ARNT2: variants seen among roughly 807,000 people sequenced by gnomAD.
The protein encoded by ARNT2 is aryl hydrocarbon receptor nuclear translocator 2.
In ARNT2, 36 loss-of-function variants were observed where a neutral mutation model predicts 91.7. That is an observed-to-expected ratio of 0.39 (90% CI 0.30 to 0.52). The LOEUF (loss-of-function observed/expected upper bound fraction) is 0.52. Ranked by LOEUF, ARNT2 falls within the 20% of genes least tolerant of loss-of-function variation. The pLI is 0.72. For missense variants in ARNT2, 775 were observed against 939.3 expected (o/e 0.83, Z 2.29); for synonymous variants, 365 against 347.1 (o/e 1.05, Z -0.57).
chr15:80,487,487 C>T (rs1896995522), intron 5 of ARNT2, among the ~76,000 whole-genome samples: 1 of 152,216 alleles, frequency 6.6e-6, no homozygotes, highest in African/African-American at 2.4e-5. Context: ...AAGCCATGCA[C>T]ATCCAGGAGT....
intron 17 of ARNT2, among the ~76,000 whole-genome samples, chr15:80,590,981 C>A (rs1409980235): frequency 3.3e-5 from 5 of 152,246 alleles, no homozygotes; most frequent in Non-Finnish European, 5.9e-5. Context: ...GGTGCTTGGC[C>A]CTGTAGGGGG....
intron 5 of ARNT2, among the ~76,000 whole-genome samples, chr15:80,480,565 C>T (rs765278962): frequency 1.6e-4 from 25 of 152,292 alleles, no homozygotes; most frequent in Non-Finnish European, 2.8e-4. Flanking sequence ...CTCTTCAAGA[C>T]AAGGTCGATT....
chr15:80,557,133 G>A (rs1367792754), intron 11 of ARNT2, among the ~76,000 whole-genome samples: 6 of 152,134 alleles, frequency 3.9e-5, no homozygotes, highest in East Asian at 1.9e-4. Flanking sequence ...ATTGACACAG[G>A]ACTCCAAATT....
chr15:80,496,598 A>G (rs1897128957), intron 5 of ARNT2, among the ~76,000 whole-genome samples: 1 of 152,198 alleles, frequency 6.6e-6, no homozygotes, highest in African/African-American at 2.4e-5. Flanking sequence ...CTGGATAACC[A>G]TATAGAACCA....
At chr15:80,562,752 G>T (rs1898389638) in intron 11 of ARNT2, 1 of 301,610 alleles carries the variant, frequency 3.3e-6, no homozygotes. Flanking sequence ...CCTAGCAACC[G>T]AGGCAAAAAG....
chr15:80,443,013 A>G, intron 1 of ARNT2: 1 of 985,316 alleles, frequency 1.0e-6, no homozygotes, highest in Non-Finnish European at 1.2e-6. Flanking sequence ...ATTCATTCCC[A>G]GGAGAAGTCC....
intron 11 of ARNT2, chr15:80,560,010 A>G (rs1898300158): frequency 6.6e-6 from 1 of 152,440 alleles, no homozygotes; most frequent in Non-Finnish European, 1.5e-5. Context: ...GCCTTCTGCC[A>G]GGAGAGCCCT....
chr15:80,545,995 G>A (rs894005413), intron 8 of ARNT2, among the ~76,000 whole-genome samples: 3 of 152,186 alleles, frequency 2.0e-5, no homozygotes, highest in Non-Finnish European at 4.4e-5. Flanking sequence ...TTTCTTTCAA[G>A]TAAGACGTAG....
rs1898403461 is a variant in ARNT2 at position 80,563,247 on chromosome 15, C to T, written c.1316+8C>T. Reference sequence around the variant, plus strand: ...CACCAACACCAACGTCAAGTACGTACACTGCCATTTCCCTCTCCTGGAATC... The same window carrying T: ...CACCAACACCAACGTCAAGTACGTATACTGCCATTTCCCTCTCCTGGAATC... On this transcript the variant is annotated splice_region_variant and intron_variant, in intron 12 of 18. Coordinates refer to ENST00000303329, the MANE Select transcript of ARNT2 (RefSeq NM_014862.4). 2 of 1,613,982 alleles carry T rather than the reference C, an allele frequency of 1.2e-6. No individual in the cohort carries two copies. The highest frequency in any genetic ancestry group is 1.7e-6 in the Non-Finnish European group (2 of 1,179,976).
At position 80,597,252 on chromosome 15, in the gene ARNT2, C is replaced by T. The variant is rs191937433; in HGVS notation, c.*3554C>T. The T allele has an allele frequency of 1.5e-5, 8 of 518,192 alleles. No individual in the cohort carries two copies. Among genetic ancestry groups the T allele is most frequent in the Non-Finnish European group, 2.3e-5 (6 of 259,786 alleles). The allele number at this position is 518,192 out of a possible 1,614,324, so 32.1% of individuals were successfully genotyped here. ...CACTTTAGGCAGCCCATAAGCTATG[C>T]GAGAATGTGAACGCTCACCTTGCTC... On this transcript the variant is annotated 3_prime_UTR_variant, in exon 19 of 19. Coordinates refer to ENST00000303329, the MANE Select transcript of ARNT2 (RefSeq NM_014862.4).
At position 80,408,992 on chromosome 15, in the gene ARNT2, C is replaced by G. The variant is rs148014424; in HGVS notation, c.31+4446C>G. Among the ~76,000 whole-genome samples the G allele has an allele frequency of 5.8e-3, 877 of 152,172 alleles. 27 individuals carry two copies. The highest frequency in any genetic ancestry group is 5.2e-3 in the East Asian group (27 of 5,180). ...AGATTCCTCATATATCCCCTGCCCC[C>G]ACACATGCACAACCTCCCCCATGAT... On this transcript the variant is annotated intron_variant, in intron 1 of 18. Coordinates refer to ENST00000303329, the MANE Select transcript of ARNT2 (RefSeq NM_014862.4).
chr15:80,415,232 T>C (rs1408616296), intron 1 of ARNT2, among the ~76,000 whole-genome samples: 1 of 152,240 alleles, frequency 6.6e-6, no homozygotes, highest in East Asian at 1.9e-4. Flanking sequence ...TCCTGCTATG[T>C]CCCCTGTGGC....
chr15:80,580,308 G>C, intron 15 of ARNT2, 103 bp from the exon 16 acceptor site: 1 of 1,414,352 alleles, frequency 7.1e-7, no homozygotes, highest in Non-Finnish European at 9.9e-7. Flanking sequence ...CATGGAGAGA[G>C]AGCCAGGAAG....
chr15:80,474,564 G>C (rs1392940003), intron 4 of ARNT2, among the ~76,000 whole-genome samples: 1 of 152,190 alleles, frequency 6.6e-6, no homozygotes, highest in African/African-American at 2.4e-5. Context: ...GGTCTCTTTC[G>C]TTCTCCCTTC....
At chr15:80,452,073 A>G (rs1198777726) in intron 2 of ARNT2, among the ~76,000 whole-genome samples, 1 of 152,198 alleles carries the variant, frequency 6.6e-6, no homozygotes, top group Non-Finnish European at 1.5e-5. Flanking sequence ...AGGCAATGGG[A>G]AGTATCAGGA....
rs1315095651 is a variant in ARNT2, at chr15:80,475,129, A to G, written c.528A>G (p.Ser176=). 6.2e-7 allele frequency: 1 copy of G among 1,614,216 alleles called. No homozygotes were observed. The part of the protein sequence containing the change: ...SVTPVLNQPQ[S]EWFGSTLYEQ... Reference sequence around the variant, plus strand: ...CCCCTGTTCTGAACCAGCCCCAGTCAGAGTGGTTTGGGAGCACACTGTATG... The same window carrying G: ...CCCCTGTTCTGAACCAGCCCCAGTCGGAGTGGTTTGGGAGCACACTGTATG... The change falls in exon 5 of 19, where the codon TCA becomes TCG. Residue 176 remains serine, a synonymous_variant. Transcript: ENST00000303329.
intron 8 of ARNT2, among the ~76,000 whole-genome samples, chr15:80,520,957 A>T (rs569998416): frequency 2.6e-5 from 4 of 152,316 alleles, no homozygotes; most frequent in African/African-American, 9.6e-5. Context: ...AACAAAAGAC[A>T]TTCTATTTAT....
At chr15:80,417,431 A>C (rs1386706438) in intron 1 of ARNT2, among the ~76,000 whole-genome samples, 1 of 152,186 alleles carries the variant, frequency 6.6e-6, no homozygotes, top group Non-Finnish European at 1.5e-5. Flanking sequence ...TGACTTAAAA[A>C]CCAAATTCGG....
At chr15:80,548,426 T>C (rs577425349) in intron 8 of ARNT2, among the ~76,000 whole-genome samples, 5 of 152,116 alleles carry the variant, frequency 3.3e-5, no homozygotes, top group Admixed American at 1.3e-4. Context: ...ATAATAGACA[T>C]ATTATCCCAT....
Sources: gnomAD v4.1 joint callset for allele counts (sites outside exome capture counted in the v4.1 genomes callset) on GRCh38, gnomAD v4.1.1 for gene constraint, MANE v1.5 for transcripts, NCBI Gene and HGNC (gene_info 2026-07-23, HGNC 2026-07-21) for gene names.